Variants in ZNF267 observed in about 807,000 individuals in gnomAD.
ZNF267 encodes the protein zinc finger (C2H2).
A neutral mutation model predicts 71.6 loss-of-function variants in ZNF267; 61 were observed. The ratio of observed to expected loss-of-function variants is 0.85; its 90% CI spans 0.69 to 1.05. The LOEUF is 1.05. Among genes scored for constraint, ZNF267 ranks in the 50% least tolerant of loss-of-function variants. ZNF267 has a pLI of 0.00. For missense variants in ZNF267, 852 were observed against 870.0 expected (o/e 0.98, Z 0.26); for synonymous variants, 288 against 293.2 (o/e 0.98, Z 0.18).
Position 31,900,604 on chromosome 16 carries a change from C to G in ZNF267, c.227-13872C>G, listed in dbSNP as rs541076002. On this transcript the variant is annotated intron_variant, in intron 3 of 3. Transcript: ENST00000300870. ...GGACTACAGGTGCCTGCCACCACGC[C>G]CAGCTATTTTTTTGTATTTTTAGTA... is the stretch of plus-strand genomic sequence containing the variant. Among the ~76,000 whole-genome samples, 3 of 152,028 alleles carry G rather than the reference C, an allele frequency of 2.0e-5. No homozygotes were observed. In the East Asian group the frequency reaches 5.8e-4, roughly 30 times the overall value.
intron 3 of ZNF267, among the ~76,000 whole-genome samples, chr16:31,892,636 A>G (rs1231821069): frequency 6.6e-6 from 1 of 152,210 alleles, no homozygotes; most frequent in African/African-American, 2.4e-5. Context: ...GGCATTGGGT[A>G]GCCATTTCAA....
At chr16:31,874,120 C>T (rs2083834771) in intron 1 of ZNF267, 151 bp downstream of exon 1, 2 of 824,402 alleles carry the variant, frequency 2.4e-6, no homozygotes, top group Non-Finnish European at 3.8e-6. Context: ...CCTCGGTCCC[C>T]TCCGCTGCAA....
At chr16:31,908,476 C>T (rs901744177) in intron 3 of ZNF267, among the ~76,000 whole-genome samples, 1 of 152,086 alleles carries the variant, frequency 6.6e-6, no homozygotes, top group African/African-American at 2.4e-5. Flanking sequence ...ATTTTTACAC[C>T]AACCATTGTC....
intron 3 of ZNF267, among the ~76,000 whole-genome samples, chr16:31,886,597 A>C (rs1404380559): frequency 1.3e-5 from 2 of 152,218 alleles, no homozygotes; most frequent in Non-Finnish European, 2.9e-5. Context: ...GTTTTCCATA[A>C]AACTGGTCCC....
chr16:31,887,996 T>G (rs1427870939), intron 3 of ZNF267, among the ~76,000 whole-genome samples: 1 of 152,110 alleles, frequency 6.6e-6, no homozygotes, highest in African/African-American at 2.4e-5. Context: ...TTTTTTCCAA[T>G]CCATGAAGAA....
At chr16:31,874,712 A>G (rs964461752) in intron 1 of ZNF267, among the ~76,000 whole-genome samples, 21 of 152,310 alleles carry the variant, frequency 1.4e-4, no homozygotes, top group Admixed American at 5.9e-4. Flanking sequence ...CTCATTAATC[A>G]TCTTAACACT....
chr16:31,874,237 C>G, intron 1 of ZNF267: 1 of 448,128 alleles, frequency 2.2e-6, no homozygotes, highest in Non-Finnish European at 4.0e-6. Flanking sequence ...CTCCGCGTCG[C>G]AGCCCCGCGT....
intron 3 of ZNF267, chr16:31,894,642 G>T (rs974135149): frequency 2.1e-6 from 1 of 485,004 alleles, no homozygotes; most frequent in Non-Finnish European, 4.1e-6. Context: ...CGCTGGACAT[G>T]CCTGCTGGAG....
rs1012709287 is a variant in ZNF267, at chr16:31,884,718, T to G, written c.130+94T>G. 3 of 1,299,848 alleles carry G rather than the reference T, an allele frequency of 2.3e-6. No homozygotes were observed. In the African/African-American group the frequency reaches 4.5e-5, roughly 20 times the overall value. The allele number at this position is 1,299,848 out of a possible 1,614,324, so 80.5% of individuals were successfully genotyped here. Reference sequence around the variant, plus strand: ...GGATCTTGTGCTTTGTATGAGTTAGTTTTAGATTCTTGTTTTCAGGAAAAA... The same window carrying G: ...GGATCTTGTGCTTTGTATGAGTTAGGTTTAGATTCTTGTTTTCAGGAAAAA... On this transcript the variant is annotated intron_variant, in intron 2 of 3. Coordinates refer to ENST00000300870, the MANE Select transcript of ZNF267 (RefSeq NM_003414.6).
At chr16:31,891,464 A>G (rs192059742) in intron 3 of ZNF267, among the ~76,000 whole-genome samples, 198 of 152,190 alleles carry the variant, frequency 1.3e-3, no homozygotes, top group Non-Finnish European at 2.5e-3. Flanking sequence ...TTTCATTAGC[A>G]TTTGATATGG....
At chr16:31,899,263 A>G (rs2084021460) in intron 3 of ZNF267, among the ~76,000 whole-genome samples, 2 of 152,310 alleles carry the variant, frequency 1.3e-5, no homozygotes, top group Admixed American at 1.3e-4. Flanking sequence ...TTATTCTAAA[A>G]TTGACCACAT....
intron 1 of ZNF267, chr16:31,875,114 GTC>G (rs758242833): frequency 8.7e-5 from 112 of 1,288,726 alleles, no homozygotes; most frequent in Non-Finnish European, 1.1e-4. Flanking sequence ...CGGAAAGAAT[GTC>G]TTTTGACTTG....
rs191994283 is a variant in ZNF267 at position 31,881,475 on chromosome 16, T to C, written c.4-3023T>C. 3.5e-3 allele frequency among the ~76,000 whole-genome samples: 529 copies of C among 152,204 alleles called. 4 individuals are homozygous for C. Among genetic ancestry groups the C allele is most frequent in the African/African-American group, 0.013 (524 of 41,518 alleles). On this transcript the variant is annotated intron_variant, in intron 1 of 3. Coordinates refer to ENST00000300870, the MANE Select transcript of ZNF267 (RefSeq NM_003414.6). ...CAATTTCCCCAAACCCAAAAGCAGG[T>C]AAATGGGAGCACAGGACTCACTTTT...
Position 31,885,194 on chromosome 16 carries a change from T to G in ZNF267, c.164T>G (p.Phe55Cys). ...GTCTCTAAGCCGGACCTGATCACCT[T>G]TTTGGAACAAAGGAAAGAGCCTTGG... is the stretch of plus-strand genomic sequence containing the variant. ...LVVSKPDLIT[F>C]LEQRKEPWNV... The change falls in exon 3 of 4, where the codon TTT becomes TGT. Residue 55 changes from phenylalanine (F) to cysteine (C), a missense_variant. Phe to Cys is a radical substitution (Grantham distance 205). Coordinates refer to ENST00000300870, the MANE Select transcript of ZNF267 (RefSeq NM_003414.6). 3.7e-6 allele frequency: 6 copies of G among 1,611,244 alleles called. No individual in the cohort carries two copies. The highest frequency in any genetic ancestry group is 5.1e-6 in the Non-Finnish European group (6 of 1,179,036).
intron 3 of ZNF267, among the ~76,000 whole-genome samples, chr16:31,898,156 G>C (rs957535458): frequency 6.6e-6 from 1 of 152,070 alleles, no homozygotes; most frequent in African/African-American, 2.4e-5. Context: ...TGTGACATTA[G>C]GTGCATATAT....
intron 3 of ZNF267, among the ~76,000 whole-genome samples, chr16:31,888,133 TATAA>T (rs2083936295): frequency 6.6e-6 from 1 of 152,086 alleles, no homozygotes; most frequent in African/African-American, 2.4e-5. Flanking sequence ...TTGATACTAT[TATAA>T]ATCAGATTTT....
At chr16:31,882,776 C>A (rs2083899069) in intron 1 of ZNF267, among the ~76,000 whole-genome samples, 1 of 152,168 alleles carries the variant, frequency 6.6e-6, no homozygotes, top group Admixed American at 6.5e-5. Flanking sequence ...GCACTGGTAC[C>A]AATTTGTCTT....
chr16:31,885,839 C>T (rs999751643), intron 3 of ZNF267, among the ~76,000 whole-genome samples: 5 of 151,634 alleles, frequency 3.3e-5, no homozygotes, highest in Non-Finnish European at 5.9e-5. Flanking sequence ...ACTTCAACTT[C>T]TCATTTTTTC....
intron 1 of ZNF267, 34 bp from the exon 2 acceptor site, chr16:31,884,464 C>CACATGGTCAGTGTATTCTTTATTTT: frequency 6.2e-7 from 1 of 1,613,460 alleles, no homozygotes; most frequent in Non-Finnish European, 8.5e-7. Flanking sequence ...CTGCCATGGC[C>CACATGGTCAGTGTATTCTTTATTTT]ACATGGTCAG....
Sources: gnomAD v4.1 joint callset for allele counts (sites outside exome capture counted in the v4.1 genomes callset) on GRCh38, gnomAD v4.1.1 for gene constraint, MANE v1.5 for transcripts, NCBI Gene and HGNC (gene_info 2026-07-23, HGNC 2026-07-21) for gene names.